RUNX3: variants seen among roughly 807,000 people sequenced by gnomAD.
RUNX3 encodes runt-related transcription factor 3.
Under a neutral mutation model 27.7 loss-of-function variants are expected in RUNX3, and 10 were observed. That is an observed-to-expected ratio of 0.36 (90% CI 0.22 to 0.61). The LOEUF is 0.61. Among genes scored for constraint, RUNX3 ranks in the 20% least tolerant of loss-of-function variants. The pLI, the probability that RUNX3 is intolerant of heterozygous loss-of-function variation, is 0.72. For synonymous variants in RUNX3, 270 were observed against 269.2 expected, an observed-to-expected ratio of 1.00 and a Z score of -0.03; for missense variants, 469 against 629.5, an observed-to-expected ratio of 0.75 and a Z score of 2.73.
Position 24,904,969 on chromosome 1 carries a change from C to T in RUNX3, c.703+2290G>A, listed in dbSNP as rs562578207. 3.9e-5 allele frequency among the ~76,000 whole-genome samples: 6 copies of T among 152,322 alleles called. No homozygotes were observed. The highest frequency in any genetic ancestry group is 2.1e-4 in the South Asian group (1 of 4,828). ...TGTTTATTTTCTTCTCCAGATTGTC[C>T]GGGCTGCTGCATGGTGGCTGAATGA... On this transcript the variant is annotated intron_variant, in intron 4 of 4. Coordinates refer to ENST00000308873, the MANE Select transcript of RUNX3 (RefSeq NM_004350.3). This position sits in a 1 kb window ranked among gnomAD's most constrained non-coding sequence, Gnocchi z 5.7.
chr1:24,926,376 T>C (rs1641100744), intron 2 of RUNX3, among the ~76,000 whole-genome samples: 1 of 152,244 alleles, frequency 6.6e-6, no homozygotes, highest in African/African-American at 2.4e-5. Context: ...AGGGCACCGT[T>C]TGAAAGAAAT....
At chr1:24,921,297 C>T (rs1366852477) in intron 2 of RUNX3, among the ~76,000 whole-genome samples, 2 of 152,136 alleles carry the variant, frequency 1.3e-5, no homozygotes, top group East Asian at 3.9e-4. Flanking sequence ...GCAGGAGAAT[C>T]CGGAACAAAA....
At chr1:24,910,145 C>T (rs778155936) in intron 3 of RUNX3, among the ~76,000 whole-genome samples, 1 of 151,996 alleles carries the variant, frequency 6.6e-6, no homozygotes, top group Non-Finnish European at 1.5e-5. Context: ...AAAAATTAGC[C>T]GGGCGTGGTG....
In RUNX3 at chr1:24,902,165, C is replaced by A; in HGVS notation, c.1205G>T (p.Ser402Ile). 1 of 1,572,806 alleles carries A rather than the reference C, an allele frequency of 6.4e-7. No individual in the cohort carries two copies. Among genetic ancestry groups the A allele is most frequent in the Non-Finnish European group, 8.6e-7 (1 of 1,160,784 alleles). Residue 402 changes from serine to isoleucine, a missense_variant, in exon 5 of 5, where the codon AGC (serine) becomes ATC (isoleucine). This residue lies in a region of RUNX3 where 279 missense variants were observed against 343.0 expected (regional missense o/e 0.81). Transcript: ENST00000308873. This position sits in a 1 kb window ranked among gnomAD's most constrained non-coding sequence, Gnocchi z 9.2. ...GGCCTCATCCATGCGGCCTGGCGTG[C>A]TCAGGGCCGTGGGTGAGTTGCTGTG... ...GSHSNSPTAL[S>I]TPGRMDEAVW...
At position 24,904,797 on chromosome 1, in the gene RUNX3, G is replaced by A. The variant is rs542973198; in HGVS notation, c.704-2131C>T. 1.3e-5 allele frequency among the ~76,000 whole-genome samples: 2 copies of A among 152,158 alleles called. No homozygotes were observed. The highest frequency in any genetic ancestry group is 4.1e-4 in the South Asian group (2 of 4,820). On this transcript the variant is annotated intron_variant, in intron 4 of 4. Coordinates refer to ENST00000308873, the MANE Select transcript of RUNX3 (RefSeq NM_004350.3). The surrounding 1 kb of genome is among the most constrained non-coding windows in gnomAD (Gnocchi z 5.7). ...GCCACCACCCCTCCTCCGGGGTGGT[G>A]GGGGAAGTACCTGCCCTCAGCACTC... is the stretch of plus-strand genomic sequence containing the variant.
At chr1:24,957,899 T>G (rs1641986922) in intron 2 of RUNX3, among the ~76,000 whole-genome samples, 1 of 152,236 alleles carries the variant, frequency 6.6e-6, no homozygotes, top group Admixed American at 6.5e-5. Flanking sequence ...TAGCCGCATT[T>G]TACATTGCTT....
intron 2 of RUNX3, among the ~76,000 whole-genome samples, chr1:24,941,113 T>A (rs1307119760): frequency 1.3e-5 from 2 of 152,224 alleles, no homozygotes; most frequent in East Asian, 3.8e-4. Flanking sequence ...TGGTCCTGTG[T>A]ACCATCACAC....
intron 1 of RUNX3, among the ~76,000 whole-genome samples, chr1:24,928,058 CCT>C (rs1262262595): frequency 1.3e-5 from 2 of 152,198 alleles, no homozygotes; most frequent in African/African-American, 2.4e-5. Flanking sequence ...GTGCAGTTCC[CCT>C]GTTGTCTTCG....
Position 24,929,905 on chromosome 1 carries a change from G to C in RUNX3, c.-37C>G. ...TCAGGGCGCCGGGCAGGCGGAGACGGCGCGGCTTCCCCCGGGGGCGGCCGG... is the reference window on the plus strand; with the variant it reads ...TCAGGGCGCCGGGCAGGCGGAGACGCCGCGGCTTCCCCCGGGGGCGGCCGG... On this transcript the variant is annotated 5_prime_UTR_variant, in exon 1 of 5. Transcript: ENST00000308873. 8.0e-7 allele frequency: 1 copy of C among 1,246,480 alleles called. No individual in the cohort carries two copies. Among genetic ancestry groups the C allele is most frequent in the Non-Finnish European group, 1.0e-6 (1 of 997,728 alleles). 77.2% of individuals were successfully genotyped at this position (1,246,480 alleles called of 1,614,324 possible).
intron 2 of RUNX3, among the ~76,000 whole-genome samples, chr1:24,937,734 T>C (rs1571335604): frequency 6.6e-6 from 1 of 152,208 alleles, no homozygotes; most frequent in African/African-American, 2.4e-5. Flanking sequence ...GCCAGAGAAG[T>C]GAAGGTTCTC....
upstream of RUNX3, among the ~76,000 whole-genome samples, chr1:24,931,584 C>T (rs989473049): frequency 1.3e-5 from 2 of 152,214 alleles, no homozygotes; most frequent in Non-Finnish European, 2.9e-5. Flanking sequence ...TCGTTGCCTC[C>T]GGCTCTCGAC....
chr1:24,922,107 TG>T (rs1331781331), intron 2 of RUNX3, among the ~76,000 whole-genome samples: 1 of 151,916 alleles, frequency 6.6e-6, no homozygotes, highest in Non-Finnish European at 1.5e-5. Context: ...AGCGCCACCA[TG>T]CCCGGCTATT....
chr1:24,930,957 C>T (rs895404728), upstream of RUNX3, among the ~76,000 whole-genome samples: 1 of 152,238 alleles, frequency 6.6e-6, no homozygotes, highest in Non-Finnish European at 1.5e-5. The surrounding 1 kb of genome is among the most constrained non-coding windows in gnomAD (Gnocchi z 4.1). Context: ...GGCCAACAAC[C>T]CCTTTCCTCT....
At chr1:24,912,345 A>T (rs1640812191) in intron 3 of RUNX3, among the ~76,000 whole-genome samples, 1 of 152,128 alleles carries the variant, frequency 6.6e-6, no homozygotes, top group Admixed American at 6.5e-5. Flanking sequence ...GGGCCCACCC[A>T]CTACCACTTC....
chr1:24,960,240 T>C (rs1163698090), intron 2 of RUNX3, among the ~76,000 whole-genome samples: 2 of 152,246 alleles, frequency 1.3e-5, no homozygotes, highest in Non-Finnish European at 1.5e-5. Context: ...GCTCATGGTG[T>C]TCATCAAATG....
intron 3 of RUNX3, among the ~76,000 whole-genome samples, chr1:24,918,212 G>A (rs918129771): frequency 2.0e-5 from 3 of 152,160 alleles, no homozygotes; most frequent in Non-Finnish European, 4.4e-5. Flanking sequence ...AGAAGGGAGG[G>A]GCCAGCCCAG....
intron 2 of RUNX3, chr1:24,961,576 G>T (rs1305764975): frequency 6.6e-6 from 1 of 152,208 alleles, no homozygotes; most frequent in East Asian, 1.9e-4. Context: ...GCAGGTAGGG[G>T]ACTGGGCTTC....
Position 24,921,054 on chromosome 1 carries a change from C to T in RUNX3, c.440-1710G>A, listed in dbSNP as rs58128905. Among the ~76,000 whole-genome samples the T allele has an allele frequency of 2.3e-3, 355 of 152,250 alleles. 4 individuals carry two copies. Among genetic ancestry groups the T allele is most frequent in the East Asian group, 0.018 (94 of 5,182 alleles). On this transcript the variant is annotated intron_variant, in intron 2 of 4. Transcript: ENST00000308873. ...CCCTGTGGGTAGGGGCCAATGGTCTCGCACTCTCACCTGTACCCCAGGGCT... is the reference window on the plus strand; with the variant it reads ...CCCTGTGGGTAGGGGCCAATGGTCTTGCACTCTCACCTGTACCCCAGGGCT...
chr1:24,960,882 C>G (rs764536147), intron 2 of RUNX3, among the ~76,000 whole-genome samples: 2 of 152,074 alleles, frequency 1.3e-5, no homozygotes, highest in Non-Finnish European at 2.9e-5. Flanking sequence ...CTCAGCTTCC[C>G]CATTTGTCAC....
Sources: allele counts gnomAD v4.1 joint callset (sites outside exome capture counted in the v4.1 genomes callset), GRCh38; gene constraint gnomAD v4.1.1; regional missense constraint gnomAD v4.1.1; non-coding constraint Gnocchi (gnomAD v3.1); transcripts MANE v1.5; gene names NCBI Gene and HGNC (gene_info 2026-07-23, HGNC 2026-07-21).